Variants in HAS2 observed in about 807,000 individuals in gnomAD.
The protein encoded by HAS2 is HA synthase 2.
A neutral mutation model predicts 51.6 loss-of-function variants in HAS2; 16 were observed. That is an observed-to-expected ratio of 0.31 (90% confidence interval 0.21 to 0.47). The LOEUF is 0.47. HAS2 is among the 20% of genes least tolerant of loss of function. The pLI, the probability that HAS2 is intolerant of heterozygous loss-of-function variation, is 1.00. For missense variants in HAS2, 361 were observed against 662.6 expected (o/e 0.54, Z 5.00); for synonymous variants, 228 against 235.5 (o/e 0.97, Z 0.29).
intron 2 of HAS2, among the ~76,000 whole-genome samples, chr8:121,618,776 C>T (rs1000063050): frequency 2.0e-5 from 3 of 152,062 alleles, no homozygotes; most frequent in African/African-American, 7.2e-5. Context: ...CTGCTATTCC[C>T]ATTATTCTGC....
Position 121,614,245 on chromosome 8 carries a change from T to G in HAS2, c.1523A>C (p.Lys508Thr), listed in dbSNP as rs1812673214. 6.2e-7 allele frequency: 1 copy of G among 1,614,164 alleles called. No individual in the cohort carries two copies. Among genetic ancestry groups the G allele is most frequent in the Admixed American group, 1.7e-5 (1 of 60,026 alleles). Residue 508 changes from lysine to threonine, a missense_variant, in exon 4 of 4, where the codon AAA becomes ACA. Physicochemically the swap from Lys to Thr is moderately conservative, Grantham distance 78 (BLOSUM62 -1). This residue lies in a region of HAS2 where 61 missense variants were observed against 73.1 expected (regional missense o/e 0.84). Transcript: ENST00000303924. This position sits in a 1 kb window ranked among gnomAD's most constrained non-coding sequence, Gnocchi z 7.2. ...KESKRPFSES[K>T]QTVLIVGTLL... Reference sequence around the variant, plus strand: ...CGTTCCAACAATTAGAACTGTCTGTTTGGATTCTGAAAATGGCCTTTTAGA... The same window carrying G: ...CGTTCCAACAATTAGAACTGTCTGTGTGGATTCTGAAAATGGCCTTTTAGA...
At chr8:121,618,936 T>C (rs1316580597) in intron 2 of HAS2, among the ~76,000 whole-genome samples, 1 of 149,550 alleles carries the variant, frequency 6.7e-6, no homozygotes, top group Non-Finnish European at 1.5e-5. Flanking sequence ...TCACAGAAAA[T>C]AGTGTTTGAT....
At chr8:121,628,649 T>G in intron 2 of HAS2, 65 bp downstream of exon 2, 1 of 1,465,768 alleles carries the variant, frequency 6.8e-7, no homozygotes, top group Non-Finnish European at 9.4e-7. Flanking sequence ...AGCATATGAC[T>G]GGACAGATAC....
At chr8:121,624,944 A>T (rs1267376353) in intron 2 of HAS2, among the ~76,000 whole-genome samples, 1 of 151,996 alleles carries the variant, frequency 6.6e-6, no homozygotes, top group Non-Finnish European at 1.5e-5. Flanking sequence ...AAATACAAAA[A>T]AAAATTAGCC....
chr8:121,638,347 C>A (rs1404556642), intron 1 of HAS2, among the ~76,000 whole-genome samples: 2 of 152,116 alleles, frequency 1.3e-5, no homozygotes, highest in Non-Finnish European at 2.9e-5. Flanking sequence ...TGGAAAGTGA[C>A]CTTAGAGTTT....
At chr8:121,637,390 CTTT>C (rs397728062) in intron 1 of HAS2, among the ~76,000 whole-genome samples, 2 of 130,766 alleles carry the variant, frequency 1.5e-5, no homozygotes, top group Non-Finnish European at 1.6e-5. Flanking sequence ...TCAAAATAGA[CTTT>C]TTTTTTTTTT....
chr8:121,626,093 CA>C (rs1812847331), intron 2 of HAS2, among the ~76,000 whole-genome samples: 1 of 152,124 alleles, frequency 6.6e-6, no homozygotes, highest in Non-Finnish European at 1.5e-5. Context: ...CAAGAGGAAG[CA>C]GGCCCAGTGG....
intron 2 of HAS2, among the ~76,000 whole-genome samples, chr8:121,618,722 C>T (rs1181328495): frequency 1.3e-5 from 2 of 152,168 alleles, no homozygotes; most frequent in Admixed American, 1.3e-4. Flanking sequence ...TATCCCCATT[C>T]AGACAATGAA....
chr8:121,623,941 T>G (rs1314588078), intron 2 of HAS2, among the ~76,000 whole-genome samples: 1 of 152,242 alleles, frequency 6.6e-6, no homozygotes. Flanking sequence ...TTATGGTAGT[T>G]GTATTACATA....
intron 1 of HAS2, among the ~76,000 whole-genome samples, chr8:121,634,961 C>T (rs1812990128): frequency 6.6e-6 from 1 of 152,142 alleles, no homozygotes; most frequent in African/African-American, 2.4e-5. Context: ...CAACTTTTAT[C>T]ATCTTGAATT....
chr8:121,626,891 G>T (rs918566418), intron 2 of HAS2, among the ~76,000 whole-genome samples: 2 of 152,204 alleles, frequency 1.3e-5, no homozygotes, highest in Non-Finnish European at 2.9e-5. Context: ...AGTGTATCTG[G>T]AGACTTCCCC....
rs1812885495 is a variant in HAS2 at position 121,628,599 on chromosome 8, G to A, written c.627+115C>T. 3 of 920,934 alleles carry A rather than the reference G, an allele frequency of 3.3e-6. 1 individual carries two copies. In the East Asian group the frequency reaches 7.3e-5, roughly 22 times the overall value. The allele number at this position is 920,934 out of a possible 1,614,324, so 57.0% of individuals were successfully genotyped here. A position where few individuals can be genotyped will look rare whatever the true frequency, so the allele number is the denominator to read the frequency against. On this transcript the variant is annotated intron_variant, in intron 2 of 3. Coordinates refer to ENST00000303924, the MANE Select transcript of HAS2 (RefSeq NM_005328.3). ...CAGTCATGCTGTTTTCAAATGAACTGAAAGAAGTACTGTGTTCAGAAGGGA... is the reference window on the plus strand; with the variant it reads ...CAGTCATGCTGTTTTCAAATGAACTAAAAGAAGTACTGTGTTCAGAAGGGA...
At chr8:121,634,474 A>G (rs940838808) in intron 1 of HAS2, among the ~76,000 whole-genome samples, 2 of 150,998 alleles carry the variant, frequency 1.3e-5, no homozygotes, top group Non-Finnish European at 3.0e-5. Context: ...TCTAAGTAGC[A>G]TATATATATA....
At chr8:121,618,467 A>T (rs1226953582) in intron 2 of HAS2, among the ~76,000 whole-genome samples, 1 of 152,120 alleles carries the variant, frequency 6.6e-6, no homozygotes, top group Non-Finnish European at 1.5e-5. Context: ...AATAAGATTA[A>T]GTCACTCCTT....
At chr8:121,619,147 G>A (rs776955253) in intron 2 of HAS2, among the ~76,000 whole-genome samples, 6 of 151,918 alleles carry the variant, frequency 3.9e-5, no homozygotes, top group African/African-American at 7.3e-5. Flanking sequence ...AAGCTAAGGC[G>A]GGGGGATTGT....
chr8:121,618,204 C>T (rs924508116), intron 2 of HAS2, among the ~76,000 whole-genome samples: 2 of 152,098 alleles, frequency 1.3e-5, no homozygotes, highest in South Asian at 2.1e-4. Context: ...AAATGGAAAA[C>T]CAAACTATTA....
intron 2 of HAS2, among the ~76,000 whole-genome samples, chr8:121,622,101 G>A (rs748498738): frequency 4.6e-5 from 7 of 152,018 alleles, no homozygotes; most frequent in African/African-American, 7.2e-5. Flanking sequence ...TCTAGAATGT[G>A]TAGCATTTGT....
chr8:121,632,213 A>G (rs1254776043), intron 1 of HAS2, among the ~76,000 whole-genome samples: 2 of 152,184 alleles, frequency 1.3e-5, no homozygotes, highest in African/African-American at 4.8e-5. Flanking sequence ...GAATACATTG[A>G]TCTCAGGGAG....
rs745382354 is a variant in HAS2, at chr8:121,614,406, T to A, written c.1362A>T (p.Ala454=). The A allele has an allele frequency of 1.5e-5, 25 of 1,614,058 alleles. No homozygotes were observed. Among genetic ancestry groups the A allele is most frequent in the Non-Finnish European group, 2.1e-5 (25 of 1,180,032 alleles). ...ACCCAGCTTTGTTTATTGTTGCAATTGCAAACATCTTGGCGGGAAGTAAAC... is the reference window on the plus strand; with the variant it reads ...ACCCAGCTTTGTTTATTGTTGCAATAGCAAACATCTTGGCGGGAAGTAAAC... ...MSSLLPAKMF[A]IATINKAGWG... is the part of the protein sequence containing the mutation. The change falls in exon 4 of 4, where the codon GCA becomes GCT. Residue 454 remains alanine, a synonymous_variant. Coordinates refer to ENST00000303924, the MANE Select transcript of HAS2 (RefSeq NM_005328.3). This position sits in a 1 kb window ranked among gnomAD's most constrained non-coding sequence, Gnocchi z 7.2.
Sources: gnomAD v4.1 joint callset for allele counts (sites outside exome capture counted in the v4.1 genomes callset) on GRCh38, gnomAD v4.1.1 for gene constraint, gnomAD v4.1.1 regional missense constraint, Gnocchi (gnomAD v3.1) non-coding constraint, MANE v1.5 for transcripts, NCBI Gene and HGNC (gene_info 2026-07-23, HGNC 2026-07-21) for gene names.